FAXDC2: variants seen among roughly 807,000 people sequenced by gnomAD.
The protein encoded by FAXDC2 is fatty acid hydroxylase domain containing 2.
A neutral mutation model predicts 40.9 loss-of-function variants in FAXDC2; 41 were observed. The observed-to-expected ratio is 1.00, with a 90% CI of 0.78 to 1.30. FAXDC2 has a LOEUF of 1.30. Among genes scored for constraint, FAXDC2 ranks in the 50% most tolerant of loss-of-function variants. The pLI is 0.00. For missense variants in FAXDC2, 390 were observed against 408.8 expected, an observed-to-expected ratio of 0.95 and a Z score of 0.40; for synonymous variants, 157 against 149.3, an observed-to-expected ratio of 1.05 and a Z score of -0.38.
chr5:154,849,255 G>A (rs561777227), intron 1 of FAXDC2, among the ~76,000 whole-genome samples: 1 of 152,116 alleles, frequency 6.6e-6, no homozygotes, highest in South Asian at 2.1e-4. Flanking sequence ...ACTCCAGCCT[G>A]GGTGACAGAA....
intron 2 of FAXDC2, 67 bp from the exon 3 acceptor site, chr5:154,835,001 A>G: frequency 1.0e-6 from 1 of 1,000,994 alleles, no homozygotes; most frequent in Non-Finnish European, 1.6e-6. Flanking sequence ...CTCACTGCTG[A>G]GGCACAGCGG....
chr5:154,835,064 C>T, intron 2 of FAXDC2, 130 bp from the exon 3 acceptor site: 1 of 645,598 alleles, frequency 1.5e-6, no homozygotes, highest in Non-Finnish European at 2.8e-6. Context: ...TCTGCGTTTT[C>T]CAGCTGGCCT....
chr5:154,839,355 G>A (rs1459606255), intron 1 of FAXDC2, among the ~76,000 whole-genome samples: 1 of 150,582 alleles, frequency 6.6e-6, no homozygotes, highest in Non-Finnish European at 1.5e-5. Context: ...AAAGAAATAC[G>A]TCTGAGGCTG....
intron 1 of FAXDC2, among the ~76,000 whole-genome samples, chr5:154,845,985 G>A (rs993793009): frequency 2.0e-5 from 3 of 149,836 alleles, no homozygotes; most frequent in East Asian, 2.0e-4. Context: ...TTTTTTTTTA[G>A]TAGAGACGGG....
At chr5:154,826,212 A>G (rs1163638768) in intron 5 of FAXDC2, among the ~76,000 whole-genome samples, 1 of 152,108 alleles carries the variant, frequency 6.6e-6, no homozygotes, top group Non-Finnish European at 1.5e-5. Context: ...CAGGAAAGGG[A>G]CAGTGAAAAA....
intron 1 of FAXDC2, among the ~76,000 whole-genome samples, chr5:154,849,099 G>A (rs1296757539): frequency 1.3e-5 from 2 of 152,098 alleles, no homozygotes; most frequent in Non-Finnish European, 2.9e-5. Context: ...GGCCAACATG[G>A]TGAAACCCCA....
At chr5:154,844,605 G>T (rs1052508643) in intron 1 of FAXDC2, among the ~76,000 whole-genome samples, 11 of 152,088 alleles carry the variant, frequency 7.2e-5, no homozygotes, top group Non-Finnish European at 1.6e-4. Context: ...TTAGGTTATT[G>T]TCTGATGGTT....
At chr5:154,848,996 G>A (rs1257396427) in intron 1 of FAXDC2, among the ~76,000 whole-genome samples, 2 of 148,540 alleles carry the variant, frequency 1.3e-5, no homozygotes, top group African/African-American at 2.5e-5. Flanking sequence ...AAGATGAAAT[G>A]CGGCTGGGCA....
intron 5 of FAXDC2, chr5:154,830,593 C>T (rs1027500906): frequency 8.1e-6 from 4 of 496,176 alleles, no homozygotes; most frequent in Non-Finnish European, 1.4e-5. Context: ...GAGACCAGAA[C>T]ACTGGTCTTG....
chr5:154,839,699 TTA>T (rs1216783237), intron 1 of FAXDC2, among the ~76,000 whole-genome samples: 3 of 152,108 alleles, frequency 2.0e-5, no homozygotes, highest in African/African-American at 4.8e-5. Context: ...AATAAATATT[TTA>T]TGTTTTTATA....
At chr5:154,825,058 TA>T (rs70981952) in intron 5 of FAXDC2, among the ~76,000 whole-genome samples, 1,031 of 90,126 alleles carry the variant, frequency 0.011, 10 homozygotes, top group African/African-American at 0.035. Context: ...CCAATCTTGT[TA>T]AAAAAAAAAA....
chr5:154,840,385 T>C (rs1226773696), intron 1 of FAXDC2, among the ~76,000 whole-genome samples: 2 of 152,060 alleles, frequency 1.3e-5, no homozygotes, highest in Non-Finnish European at 2.9e-5. Flanking sequence ...ATGAACCCTT[T>C]TTTTTAAATT....
intron 1 of FAXDC2, chr5:154,838,960 A>G (rs1760418063): frequency 6.6e-6 from 1 of 152,194 alleles, no homozygotes; most frequent in South Asian, 2.1e-4. Context: ...GAAAAAGGAT[A>G]TGAATATCAG....
intron 5 of FAXDC2, among the ~76,000 whole-genome samples, chr5:154,825,626 G>A (rs1760008901): frequency 1.2e-5 from 1 of 84,606 alleles, no homozygotes; most frequent in African/African-American, 4.5e-5. Context: ...ACTCCAGCCT[G>A]GGTGACAGAG....
chr5:154,841,140 G>A (rs1198602955), intron 1 of FAXDC2, among the ~76,000 whole-genome samples: 1 of 107,532 alleles, frequency 9.3e-6, no homozygotes, highest in African/African-American at 5.0e-5. Flanking sequence ...ACCCAGAGAC[G>A]GGAATGGGTT....
rs541863191 is a variant in FAXDC2, at chr5:154,831,193, TAAGATATATAATACCCTCTAAAATAGA to T, written c.245-298_245-272del. 4.4e-4 allele frequency: 151 copies of T among 341,690 alleles called. No individual in the cohort carries two copies. In the East Asian group the frequency reaches 6.9e-3, roughly 16 times the overall value. The allele number at this position is 341,690 out of a possible 1,614,324, so 21.2% of individuals were successfully genotyped here. ...CATATAAATACATATGAAAGTATGT[TAAGATATATAATACCCTCTAAAATAGA>T]AATGAATTCAGGTTGACATTTGGGA... On this transcript the variant is annotated intron_variant, in intron 4 of 8. Transcript: ENST00000326080.
intron 2 of FAXDC2, among the ~76,000 whole-genome samples, chr5:154,835,427 G>A (rs1275919002): frequency 1.3e-5 from 2 of 152,172 alleles, no homozygotes; most frequent in African/African-American, 4.8e-5. Flanking sequence ...GGTTGAGATA[G>A]TCATCATAGC....
chr5:154,839,598 T>C (rs1451754234), intron 1 of FAXDC2, among the ~76,000 whole-genome samples: 2 of 151,626 alleles, frequency 1.3e-5, no homozygotes, highest in Middle Eastern at 6.4e-3. Context: ...CAATGAGCCA[T>C]GATCATGCCA....
intron 4 of FAXDC2, among the ~76,000 whole-genome samples, chr5:154,832,363 G>A (rs750571159): frequency 1.3e-5 from 2 of 151,974 alleles, no homozygotes; most frequent in African/African-American, 2.4e-5. Flanking sequence ...ACTGGCGCCC[G>A]CCACCGCGCC....
Sources: gnomAD v4.1 joint callset for allele counts (sites outside exome capture counted in the v4.1 genomes callset) on GRCh38, gnomAD v4.1.1 for gene constraint, MANE v1.5 for transcripts, NCBI Gene and HGNC (gene_info 2026-07-23, HGNC 2026-07-21) for gene names.